The following PPP1R9A variants were observed in gnomAD, a reference collection of about 807,000 sequenced individuals.
The protein encoded by PPP1R9A is neurabin-1.
PPP1R9A carries 59 observed loss-of-function variants against 141.9 expected under a neutral mutation model. That is an observed-to-expected ratio of 0.42 (90% CI 0.34 to 0.52). The LOEUF (loss-of-function observed/expected upper bound fraction) is 0.52, where lower values mean the gene tolerates loss of function less well. PPP1R9A is among the 20% of genes least tolerant of loss of function. The probability of loss-of-function intolerance (pLI) is 0.10; values close to 1 mark genes in which losing one functional copy is unlikely to be tolerated. For synonymous variants in PPP1R9A, 500 were observed against 569.7 expected (o/e 0.88, Z 1.74); for missense variants, 1,444 against 1,611.9 (o/e 0.90, Z 1.78).
rs1401050076 is a variant in PPP1R9A, at chr7:95,273,920, C to T, written c.3146C>T (p.Ser1049Leu). 1 of 1,504,130 alleles carries T rather than the reference C, an allele frequency of 6.6e-7. No individual in the cohort carries two copies. Among genetic ancestry groups the T allele is most frequent in the Non-Finnish European group, 9.1e-7 (1 of 1,094,842 alleles). The allele number at this position is 1,504,130 out of a possible 1,614,324, so 93.2% of individuals were successfully genotyped here. Residue 1049 changes from serine (S) to leucine (L), a missense_variant, in exon 15 of 20, where the codon TCA (serine) becomes TTA (leucine). Ser to Leu is a moderately radical substitution (Grantham distance 145). Transcript: ENST00000433360. ...CTAGATGATGCCAAAGATCCCAAATCACTAAGGGCATCCAGTTCATTGGCG... is the reference window on the plus strand; with the variant it reads ...CTAGATGATGCCAAAGATCCCAAATTACTAAGGGCATCCAGTTCATTGGCG... Reference protein sequence around the residue: ...REKDDAKDPKSLRASSSLAVQ... With the variant: ...REKDDAKDPKLLRASSSLAVQ...
chr7:95,175,256 T>TTGGATGGATGGATGGATGGA (rs61519780), intron 5 of PPP1R9A, among the ~76,000 whole-genome samples: 1 of 146,606 alleles, frequency 6.8e-6, no homozygotes, highest in Non-Finnish European at 1.5e-5. Context: ...CAATAACTAG[T>TTGGATGGATGGATGGATGGA]TGGATGGATG....
In PPP1R9A at chr7:94,978,642, C is replaced by T. The variant is rs181696280; in HGVS notation, c.1395+67134C>T. ...CGCTGAGTGCTTTTCCCAAAATAAA[C>T]ACCAGTCATATTTAGAATGAAATAA... On this transcript the variant is annotated intron_variant, in intron 2 of 19. Transcript: ENST00000433360. 6.5e-3 allele frequency among the ~76,000 whole-genome samples: 987 copies of T among 152,264 alleles called. 13 individuals carry two copies. Among genetic ancestry groups the T allele is most frequent in the African/African-American group, 0.023 (942 of 41,558 alleles).
chr7:95,181,307 AATATATATAGAAT>A (rs1479736222), intron 5 of PPP1R9A, among the ~76,000 whole-genome samples: 8 of 142,198 alleles, frequency 5.6e-5, no homozygotes, highest in Admixed American at 2.2e-4. Context: ...GAATAGAGAG[AATATATATAGAAT>A]ATATATATAG....
At chr7:95,045,339 C>T (rs190888665) in intron 2 of PPP1R9A, among the ~76,000 whole-genome samples, 92 of 152,258 alleles carry the variant, frequency 6.0e-4, no homozygotes, top group Middle Eastern at 3.4e-3. Context: ...GGCGTATGAC[C>T]TTTTGATTTG....
At chr7:94,976,874 C>T (rs986837964) in intron 2 of PPP1R9A, among the ~76,000 whole-genome samples, 1 of 152,078 alleles carries the variant, frequency 6.6e-6, no homozygotes, top group Non-Finnish European at 1.5e-5. Context: ...GTGACCAAAA[C>T]AGACATGGTC....
At position 95,120,214 on chromosome 7, in the gene PPP1R9A, C is replaced by G. The variant is rs1822311417; in HGVS notation, c.1529-498C>G. ...TCAAGCCATCCACCTGCCTCAGCCT[C>G]CCAAAGTTCTGGGATTGCTAGCATG... On this transcript the variant is annotated intron_variant, in intron 3 of 19. Transcript: ENST00000433360. Among the ~76,000 whole-genome samples the G allele has an allele frequency of 1.3e-5, 2 of 152,114 alleles. 1 individual carries two copies. The highest frequency in any genetic ancestry group is 4.1e-4 in the South Asian group (2 of 4,822).
chr7:95,051,634 T>C (rs1810813261), intron 2 of PPP1R9A, among the ~76,000 whole-genome samples: 4 of 152,148 alleles, frequency 2.6e-5, no homozygotes, highest in Admixed American at 2.6e-4. Context: ...TTTACTGAGG[T>C]ATGAAAAAGT....
intron 10 of PPP1R9A, 68 bp downstream of exon 10, chr7:95,250,323 G>A (rs1185343463): frequency 1.5e-6 from 2 of 1,321,274 alleles, no homozygotes; most frequent in Non-Finnish European, 2.1e-6. Flanking sequence ...CAATAATTTT[G>A]TAATATCTAG....
chr7:94,945,097 T>C (rs1266238750), intron 2 of PPP1R9A, among the ~76,000 whole-genome samples: 1 of 152,090 alleles, frequency 6.6e-6, no homozygotes, highest in Admixed American at 6.6e-5. Flanking sequence ...ATACCCTGTA[T>C]ATGTTTATAT....
chr7:94,995,459 C>G (rs1164423590), intron 2 of PPP1R9A, among the ~76,000 whole-genome samples: 1 of 151,756 alleles, frequency 6.6e-6, no homozygotes, highest in Non-Finnish European at 1.5e-5. Context: ...TTGAAGTTGT[C>G]CCATATTTTA....
chr7:95,286,148 C>T (rs1805277352), intron 17 of PPP1R9A, 58 bp from the exon 18 acceptor site: 4 of 1,598,472 alleles, frequency 2.5e-6, no homozygotes, highest in Middle Eastern at 3.3e-4. Context: ...TGTAGACACA[C>T]CTACCTCTTG....
At chr7:95,111,190 C>G (rs1246829520) in intron 2 of PPP1R9A, 69 bp from the exon 3 acceptor site, 3 of 1,413,056 alleles carry the variant, frequency 2.1e-6, no homozygotes. Context: ...TTTAAACTTA[C>G]ATAGTTTTGG....
At chr7:94,978,827 C>T (rs1051968588) in intron 2 of PPP1R9A, among the ~76,000 whole-genome samples, 5 of 152,112 alleles carry the variant, frequency 3.3e-5, no homozygotes, top group Non-Finnish European at 5.9e-5. Context: ...GACACGGTCT[C>T]GCTCTGTTGC....
At chr7:95,195,960 G>T (rs1037998205) in intron 5 of PPP1R9A, among the ~76,000 whole-genome samples, 2 of 152,144 alleles carry the variant, frequency 1.3e-5, no homozygotes, top group Non-Finnish European at 2.9e-5. Context: ...TGAGGCAGGA[G>T]AATTGCTTGA....
intron 2 of PPP1R9A, among the ~76,000 whole-genome samples, chr7:95,090,777 C>T (rs1817239650): frequency 6.6e-6 from 1 of 151,928 alleles, no homozygotes; most frequent in African/African-American, 2.4e-5. Context: ...CACTGTACTC[C>T]AGCCTCGGCA....
intron 2 of PPP1R9A, among the ~76,000 whole-genome samples, chr7:95,037,314 C>T (rs954512761): frequency 6.6e-6 from 1 of 151,888 alleles, no homozygotes; most frequent in Non-Finnish European, 1.5e-5. Flanking sequence ...GATAACTATA[C>T]AAAGAATATT....
intron 4 of PPP1R9A, among the ~76,000 whole-genome samples, chr7:95,125,263 G>T (rs1584821870): frequency 6.6e-6 from 1 of 152,132 alleles, no homozygotes; most frequent in Admixed American, 6.5e-5. Context: ...GTATAAGCGA[G>T]TGCCACAGTG....
intron 2 of PPP1R9A, among the ~76,000 whole-genome samples, chr7:95,006,772 G>A (rs1250566855): frequency 6.6e-6 from 1 of 152,136 alleles, no homozygotes; most frequent in Admixed American, 6.5e-5. Flanking sequence ...GTGAGACAGG[G>A]TTTATTTGCT....
In PPP1R9A at chr7:95,284,033, A is replaced by T; in HGVS notation, c.3312A>T (p.Arg1104Ser). 6.3e-7 allele frequency: 1 copy of T among 1,594,114 alleles called. No homozygotes were observed. The change falls in exon 17 of 20, where the codon AGA becomes AGT. Residue 1104 changes from arginine to serine, a missense_variant. Physicochemically the swap from Arg to Ser is moderately radical, Grantham distance 110. This residue lies in a region of PPP1R9A where 459 missense variants were observed against 513.8 expected (regional missense o/e 0.89). Transcript: ENST00000433360. ...FSAGSRIFRG[R>S]LENWTPKPCS... ...CACAAAACAGGATCTTCAGAGGCAGACTGGAAAACTGGACACCCAAGCCAT... is the reference window on the plus strand; with the variant it reads ...CACAAAACAGGATCTTCAGAGGCAGTCTGGAAAACTGGACACCCAAGCCAT...
Sources: gnomAD v4.1 joint callset for allele counts (sites outside exome capture counted in the v4.1 genomes callset) on GRCh38, gnomAD v4.1.1 for gene constraint, gnomAD v4.1.1 regional missense constraint, MANE v1.5 for transcripts, NCBI Gene and HGNC (gene_info 2026-07-23, HGNC 2026-07-21) for gene names.